Variants in FANCM observed in about 807,000 individuals in gnomAD.
FANCM encodes FA complementation group M.
In FANCM, 140 loss-of-function variants were observed where a neutral mutation model predicts 199.5. The observed-to-expected ratio is 0.70, with a 90% CI of 0.61 to 0.81. The LOEUF is 0.81. Ranked by LOEUF, FANCM falls within the 30% of genes least tolerant of loss-of-function variation. FANCM has a pLI of 0.00. For missense variants in FANCM, 2,410 were observed against 2,421.4 expected (o/e 1.00, Z 0.10); for synonymous variants, 840 against 836.8 (o/e 1.00, Z -0.07).
chr14:45,181,436 A>T lies in FANCM; in HGVS notation c.4229A>T (p.Gln1410Leu). 6.4e-7 allele frequency: 1 copy of T among 1,550,622 alleles called. No individual in the cohort carries two copies. Among genetic ancestry groups the T allele is most frequent in the Non-Finnish European group, 8.9e-7 (1 of 1,123,604 alleles). Residue 1410 changes from glutamine (Q) to leucine (L), a missense_variant, in exon 15 of 23, where the codon CAA (glutamine) becomes CTA (leucine). By Grantham distance (113) the Gln-to-Leu change is moderately radical (BLOSUM62 -2). Transcript: ENST00000267430. ...HKSCHSVEDGQLLTSNESEDD... is the reference protein window; with the variant it reads ...HKSCHSVEDGLLLTSNESEDD... ...TTTAAAAAATAAATTATAGATGGAC[A>T]ATTATTAACAAGTAACGAAAGTGAA... is the stretch of plus-strand genomic sequence containing the variant.
At position 45,181,525 on chromosome 14, in the gene FANCM, G is replaced by A; in HGVS notation, c.4317+1G>A. 1 of 1,592,130 alleles carries A rather than the reference G, an allele frequency of 6.3e-7. No homozygotes were observed. The highest frequency in any genetic ancestry group is 8.6e-7 in the Non-Finnish European group (1 of 1,160,172). ...AGGAAATGTTTTAAACTCTCCTGAGGTGAGTCATTCAGTAATCACAATAGT... is the reference window on the plus strand; with the variant it reads ...AGGAAATGTTTTAAACTCTCCTGAGATGAGTCATTCAGTAATCACAATAGT... On this transcript the variant is annotated splice_donor_variant, in intron 15 of 22. Transcript: ENST00000267430. LOFTEE classifies it high-confidence loss of function.
chr14:45,177,077 A>C (rs1039430037), intron 14 of FANCM, 101 bp downstream of exon 14: 24 of 709,170 alleles, frequency 3.4e-5, no homozygotes, highest in African/African-American at 2.9e-4. Flanking sequence ...TACATGGTAC[A>C]ATATAAATAT....
At chr14:45,156,563 T>C (rs888001439) in intron 8 of FANCM, among the ~76,000 whole-genome samples, 1 of 152,066 alleles carries the variant, frequency 6.6e-6, no homozygotes, top group African/African-American at 2.4e-5. Flanking sequence ...ATTCTAGATA[T>C]ATGTTCAAAT....
rs1236313761 is a variant in FANCM, at chr14:45,185,344, A to G, written c.4643A>G (p.Asp1548Gly). ...QDSSLLDFLN[D>G]ETQLSQAIND... Reference sequence around the variant, plus strand: ...TCCTCATTACTTGACTTTTTAAATGATGAAACTCAACTTTCACAGGCTATA... The same window carrying G: ...TCCTCATTACTTGACTTTTTAAATGGTGAAACTCAACTTTCACAGGCTATA... The change falls in exon 18 of 23, where the codon GAT becomes GGT. Residue 1548 changes from aspartate to glycine, a missense_variant. Coordinates refer to ENST00000267430, the MANE Select transcript of FANCM (RefSeq NM_020937.4). 9 of 1,594,674 alleles carry G rather than the reference A, an allele frequency of 5.6e-6. No homozygotes were observed. In the South Asian group the frequency reaches 6.8e-5, roughly 12 times the overall value.
At chr14:45,138,474 G>A (rs28406098) in intron 2 of FANCM, among the ~76,000 whole-genome samples, 2 of 151,786 alleles carry the variant, frequency 1.3e-5, no homozygotes, top group Admixed American at 1.3e-4. Flanking sequence ...TCCACTTATT[G>A]ATATCATTCC....
intron 10 of FANCM, 113 bp downstream of exon 10, chr14:45,164,678 G>C: frequency 1.2e-6 from 1 of 860,866 alleles, no homozygotes; most frequent in Non-Finnish European, 1.8e-6. Flanking sequence ...GATAGTTTTG[G>C]TTTATTTTCC....
rs746983128 is a variant in FANCM, at chr14:45,176,751, C to CA, written c.4005dup (p.Val1336SerfsTer8). 14 of 1,604,732 alleles carry CA rather than the reference C, an allele frequency of 8.7e-6. No homozygotes were observed. The highest frequency in any genetic ancestry group is 4.5e-5 in the South Asian group (4 of 89,626). Reference sequence around the variant, plus strand: ...TTATTCTCAGTTTTCTTTACCAGTGCAAAAAAAAGTTATGAGTACACCACT... The same window carrying CA: ...TTATTCTCAGTTTTCTTTACCAGTGCAAAAAAAAAGTTATGAGTACACCACT... On this transcript the variant is annotated frameshift_variant, in exon 14 of 23. Transcript: ENST00000267430. LOFTEE classifies it high-confidence loss of function.
intron 9 of FANCM, among the ~76,000 whole-genome samples, chr14:45,161,571 G>A (rs1887609804): frequency 6.6e-6 from 1 of 152,120 alleles, no homozygotes; most frequent in African/African-American, 2.4e-5. Flanking sequence ...TTGAGGCCAG[G>A]AGTTCGAGAC....
intron 20 of FANCM, among the ~76,000 whole-genome samples, chr14:45,190,748 A>C (rs962374692): frequency 7.0e-6 from 1 of 143,414 alleles, no homozygotes; most frequent in Non-Finnish European, 1.5e-5. Context: ...GGTCATAGTT[A>C]TTTCTTGAAG....
chr14:45,141,217 G>C (rs1885902611), intron 3 of FANCM, among the ~76,000 whole-genome samples: 1 of 150,714 alleles, frequency 6.6e-6, no homozygotes, highest in Non-Finnish European at 1.5e-5. Context: ...GAACTCGGGA[G>C]GCGGAGCTTG....
rs1236187140 is a variant in FANCM, at chr14:45,141,594, CT to C, written c.759+899del. ...CCTCTCCTTTCCTTTCTTTCTTTCT[CT>C]TTTTTTTTTTTTTGACGGAGTTTTG... On this transcript the variant is annotated intron_variant, in intron 3 of 22. Coordinates refer to ENST00000267430, the MANE Select transcript of FANCM (RefSeq NM_020937.4). Among the ~76,000 whole-genome samples the C allele has an allele frequency of 9.3e-3, 1,215 of 130,502 alleles. 9 individuals are homozygous for C. Among genetic ancestry groups the C allele is most frequent in the African/African-American group, 0.026 (942 of 35,734 alleles). 85.6% of individuals were successfully genotyped at this position (130,502 alleles called of 152,430 possible). A position where few individuals can be genotyped will look rare whatever the true frequency, so the allele number is the denominator to read the frequency against.
chr14:45,138,142 A>G (rs1055944299), intron 2 of FANCM, among the ~76,000 whole-genome samples: 24 of 152,186 alleles, frequency 1.6e-4, no homozygotes, highest in African/African-American at 5.5e-4. Context: ...ACTTGATAGA[A>G]GTATGGATCT....
chr14:45,198,561 G>GACGT, intron 21 of FANCM, 83 bp from the exon 22 acceptor site: 1 of 714,700 alleles, frequency 1.4e-6, no homozygotes, highest in South Asian at 4.1e-5. Context: ...TAGATCTTGG[G>GACGT]ATTTTAATAA....
intron 8 of FANCM, among the ~76,000 whole-genome samples, chr14:45,156,916 C>CAA (rs535786477): frequency 0.055 from 2,513 of 45,872 alleles, 186 homozygotes; most frequent in African/African-American, 0.16. Flanking sequence ...GACTCTGTCT[C>CAA]AAAAAAAAAA....
chr14:45,137,349 C>T (rs181784613), intron 2 of FANCM, 108 bp downstream of exon 2: 19 of 865,412 alleles, frequency 2.2e-5, no homozygotes, highest in Admixed American at 4.0e-5. Context: ...TTATAAAAAG[C>T]CTTTACGTCT....
chr14:45,182,202 A>G (rs971596456), intron 16 of FANCM, among the ~76,000 whole-genome samples: 19 of 152,320 alleles, frequency 1.2e-4, no homozygotes, highest in African/African-American at 4.3e-4. Context: ...TAAACCTTAA[A>G]CTGTATTTGG....
At chr14:45,162,606 C>G (rs902503541) in intron 9 of FANCM, among the ~76,000 whole-genome samples, 2 of 152,082 alleles carry the variant, frequency 1.3e-5, no homozygotes, top group African/African-American at 4.8e-5. Context: ...TTTGGACAGG[C>G]ACCAGTAATA....
At chr14:45,188,070 G>A (rs908891348) in intron 19 of FANCM, among the ~76,000 whole-genome samples, 183 bp downstream of exon 19, 3 of 152,188 alleles carry the variant, frequency 2.0e-5, no homozygotes, top group African/African-American at 7.2e-5. Context: ...CATGTGCGGT[G>A]GCTCACGCCT....
intron 11 of FANCM, among the ~76,000 whole-genome samples, chr14:45,168,094 A>C (rs1888104479): frequency 6.6e-6 from 1 of 152,122 alleles, no homozygotes; most frequent in Admixed American, 6.5e-5. Context: ...ATATATTTGA[A>C]GGCCATACCT....
Sources: allele counts gnomAD v4.1 joint callset (sites outside exome capture counted in the v4.1 genomes callset), GRCh38; gene constraint gnomAD v4.1.1; transcripts MANE v1.5; gene names NCBI Gene and HGNC (gene_info 2026-07-23, HGNC 2026-07-21).